ABLIM2: variants seen among roughly 807,000 people sequenced by gnomAD.
The protein encoded by ABLIM2 is actin-binding LIM protein 2.
ABLIM2 carries 53 observed loss-of-function variants against 97.7 expected under a neutral mutation model. That is an observed-to-expected ratio of 0.54 (90% CI 0.44 to 0.68). The LOEUF is 0.68. Among genes scored for constraint, ABLIM2 ranks in the 30% least tolerant of loss-of-function variants. The pLI is 0.00. For synonymous variants in ABLIM2, 361 were observed against 345.8 expected, an observed-to-expected ratio of 1.04 and a Z score of -0.49; for missense variants, 835 against 867.2, an observed-to-expected ratio of 0.96 and a Z score of 0.47.
At chr4:7,968,744 G>A (rs1239666482) in intron 20 of ABLIM2, among the ~76,000 whole-genome samples, 6 of 152,162 alleles carry the variant, frequency 3.9e-5, no homozygotes, top group Admixed American at 1.3e-4. Context: ...AAAATGTTCC[G>A]GAGCTGGAAT....
At chr4:8,143,953 C>T (rs886987602) in intron 1 of ABLIM2, among the ~76,000 whole-genome samples, 3 of 152,132 alleles carry the variant, frequency 2.0e-5, no homozygotes, top group Non-Finnish European at 4.4e-5. Context: ...AGGTCCTCAC[C>T]GAGGAAACTG....
At chr4:8,020,412 G>T in intron 12 of ABLIM2, 109 bp from the exon 13 acceptor site, 1 of 988,204 alleles carries the variant, frequency 1.0e-6, no homozygotes, top group Non-Finnish European at 1.6e-6. Context: ...TCTCCTGTCT[G>T]GTGGAGCAGC....
chr4:7,969,018 G>T (rs1725380251), intron 20 of ABLIM2, among the ~76,000 whole-genome samples: 1 of 152,098 alleles, frequency 6.6e-6, no homozygotes, highest in Middle Eastern at 3.2e-3. Flanking sequence ...TGTAATCCCA[G>T]CTACTCGAGA....
At chr4:8,007,270 C>T (rs1192894488) in intron 16 of ABLIM2, 11 of 985,248 alleles carry the variant, frequency 1.1e-5, no homozygotes, top group Admixed American at 6.1e-5. Context: ...CATCACACGA[C>T]GGGTCAGTGG....
At chr4:8,017,768 T>C (rs982217259) in intron 14 of ABLIM2, among the ~76,000 whole-genome samples, 2 of 152,050 alleles carry the variant, frequency 1.3e-5, no homozygotes, top group Admixed American at 1.3e-4. Context: ...CTGAAGCGGG[T>C]GGATCACAAG....
Position 8,012,268 on chromosome 4 carries a change from C to T in ABLIM2, c.1424-3166G>A, listed in dbSNP as rs142929775. On this transcript the variant is annotated intron_variant, in intron 14 of 20. Coordinates refer to ENST00000447017, the MANE Select transcript of ABLIM2 (RefSeq NM_001130083.2). Reference sequence around the variant, plus strand: ...AGGCACCCATCCACTGATCCATCCACCCACCACCCATCCATCTAACCATCC... The same window carrying T: ...AGGCACCCATCCACTGATCCATCCATCCACCACCCATCCATCTAACCATCC... 5.0e-4 allele frequency among the ~76,000 whole-genome samples: 76 copies of T among 151,222 alleles called. 2 individuals carry two copies. Among genetic ancestry groups the T allele is most frequent in the Non-Finnish European group, 9.4e-4 (64 of 67,754 alleles).
intron 6 of ABLIM2, among the ~76,000 whole-genome samples, chr4:8,076,622 G>C (rs1816163563): frequency 6.6e-6 from 1 of 151,746 alleles, no homozygotes; most frequent in Admixed American, 6.6e-5. Flanking sequence ...CCATTCTCGA[G>C]ACCCCCCTGG....
At chr4:8,073,491 C>T (rs1170303787) in intron 6 of ABLIM2, among the ~76,000 whole-genome samples, 2 of 151,882 alleles carry the variant, frequency 1.3e-5, no homozygotes, top group African/African-American at 2.4e-5. Flanking sequence ...CTCCAGAGCC[C>T]TCACCACCTC....
chr4:8,020,054 G>T lies in ABLIM2; in HGVS notation c.1369+148C>A, dbSNP rs1056982660. ...TGAAAACCCGTCTGATGGTTTTAAA[G>T]AAATCTCAGTGCCTGGGGAGCAGTG... is the stretch of plus-strand genomic sequence containing the variant. On this transcript the variant is annotated intron_variant, in intron 13 of 20. Transcript: ENST00000447017. 9 of 703,256 alleles carry T rather than the reference G, an allele frequency of 1.3e-5. No individual in the cohort carries two copies. The African/African-American group carries it at 1.6e-4, about 13-fold the overall frequency. 43.6% of individuals were successfully genotyped at this position (703,256 alleles called of 1,614,324 possible).
chr4:7,990,578 G>A (rs755952860), intron 17 of ABLIM2, among the ~76,000 whole-genome samples: 5 of 152,088 alleles, frequency 3.3e-5, no homozygotes, highest in Admixed American at 2.0e-4. Context: ...GTGTTCATGG[G>A]ATTTTGGTCT....
At chr4:8,048,073 G>C (rs1560943183) in intron 8 of ABLIM2, among the ~76,000 whole-genome samples, 1 of 152,342 alleles carries the variant, frequency 6.6e-6, no homozygotes, top group African/African-American at 2.4e-5. Context: ...GGCCAGGTTT[G>C]CTCTCTGCAT....
rs891699214 is a variant in ABLIM2 at position 8,075,074 on chromosome 4, G to T, written c.675+2554C>A. ...GCTGGGATTACAGGCATGAGCCACC[G>T]CTCCCGGCCCAGCCTGACAATTCTG... On this transcript the variant is annotated intron_variant, in intron 6 of 20. Transcript: ENST00000447017. The surrounding 1 kb of genome is among the most constrained non-coding windows in gnomAD (Gnocchi z 4.4). Among the ~76,000 whole-genome samples the T allele has an allele frequency of 6.6e-6, 1 of 152,170 alleles. No homozygotes were observed.
rs564354313 is a variant in ABLIM2 at position 7,984,467 on chromosome 4, C to A, written c.1735+372G>T. Among the ~76,000 whole-genome samples the A allele has an allele frequency of 2.6e-4, 39 of 152,320 alleles. No homozygotes were observed. The South Asian group carries it at 8.1e-3, about 32-fold the overall frequency. ...TGCTGAACCCGGAGAGTTCACGCGG[C>A]GTGCCGGCAGCCACACGGGGAGCAA... On this transcript the variant is annotated intron_variant, in intron 18 of 20. Coordinates refer to ENST00000447017, the MANE Select transcript of ABLIM2 (RefSeq NM_001130083.2).
rs191817190 is a variant in ABLIM2, at chr4:8,082,559, C to T, written c.455-1757G>A. ...TATTGTTTTTAACAATTAAAACAAA[C>T]GAACACTCACAAAGCCGTTGGTCAA... On this transcript the variant is annotated intron_variant, in intron 4 of 20. Transcript: ENST00000447017. The surrounding 1 kb of genome is among the most constrained non-coding windows in gnomAD (Gnocchi z 5.6). Among the ~76,000 whole-genome samples, 6 of 152,300 alleles carry T rather than the reference C, an allele frequency of 3.9e-5. No individual in the cohort carries two copies. Among genetic ancestry groups the T allele is most frequent in the South Asian group, 2.1e-4 (1 of 4,824 alleles).
intron 12 of ABLIM2, among the ~76,000 whole-genome samples, chr4:8,026,669 G>A (rs1430592491): frequency 6.6e-6 from 1 of 152,250 alleles, no homozygotes; most frequent in East Asian, 1.9e-4. Flanking sequence ...TTTCTGTGGT[G>A]CACCAGTCAG....
At chr4:8,048,938 C>A (rs927037658) in intron 8 of ABLIM2, among the ~76,000 whole-genome samples, 1 of 152,140 alleles carries the variant, frequency 6.6e-6, no homozygotes, top group Non-Finnish European at 1.5e-5. Flanking sequence ...AGGGCCACCC[C>A]CTTCTCACCC....
chr4:8,006,897 A>G, intron 16 of ABLIM2: 7 of 516,674 alleles, frequency 1.4e-5, no homozygotes, highest in Non-Finnish European at 1.7e-5. Flanking sequence ...TGGCTTTCCC[A>G]TGGTGACATC....
chr4:8,092,922 C>A (rs895940212), intron 3 of ABLIM2, among the ~76,000 whole-genome samples: 8 of 152,160 alleles, frequency 5.3e-5, no homozygotes, highest in Admixed American at 5.2e-4. Context: ...GATCTTGGCT[C>A]TCTGCAACCT....
intron 17 of ABLIM2, among the ~76,000 whole-genome samples, chr4:7,987,725 T>C (rs1295767862): frequency 6.6e-6 from 1 of 152,184 alleles, no homozygotes; most frequent in African/African-American, 2.4e-5. Context: ...AGGACGGAGA[T>C]GAGGCATCTA....
Sources: gnomAD v4.1 joint callset for allele counts (sites outside exome capture counted in the v4.1 genomes callset) on GRCh38, gnomAD v4.1.1 for gene constraint, Gnocchi (gnomAD v3.1) non-coding constraint, MANE v1.5 for transcripts, NCBI Gene and HGNC (gene_info 2026-07-23, HGNC 2026-07-21) for gene names.